The following LIN28B variants were observed in gnomAD, a reference collection of about 807,000 sequenced individuals.
The protein encoded by LIN28B is protein lin-28 homolog B.
In LIN28B, 5 loss-of-function variants were observed where a neutral mutation model predicts 21.9. The ratio of observed to expected loss-of-function variants is 0.23; its 90% CI spans 0.12 to 0.48. LIN28B has a LOEUF of 0.48. Among genes scored for constraint, LIN28B ranks in the 20% least tolerant of loss-of-function variants. The pLI is 0.98. For missense variants in LIN28B, 245 were observed against 310.5 expected, an observed-to-expected ratio of 0.79 and a Z score of 1.58; for synonymous variants, 109 against 111.3, an observed-to-expected ratio of 0.98 and a Z score of 0.13.
chr6:105,049,136 T>C (rs1199499461), intron 3 of LIN28B, among the ~76,000 whole-genome samples: 1 of 152,198 alleles, frequency 6.6e-6, no homozygotes, highest in Non-Finnish European at 1.5e-5. Context: ...TCCTGCTTTC[T>C]CTTGTGCTAT....
At chr6:104,997,489 A>G (rs9377684) in intron 2 of LIN28B, among the ~76,000 whole-genome samples, 27,759 of 151,848 alleles carry the variant, frequency 0.18, 2,641 homozygotes, top group East Asian at 0.26. Context: ...ATCTATATGT[A>G]TAGTTTCTCA....
intron 2 of LIN28B, among the ~76,000 whole-genome samples, chr6:104,943,014 A>G (rs1778114990): frequency 6.6e-6 from 1 of 151,868 alleles, no homozygotes; most frequent in African/African-American, 2.4e-5. Context: ...GAAACAATAA[A>G]AAGTTTGTTG....
intron 2 of LIN28B, among the ~76,000 whole-genome samples, chr6:104,976,569 C>T (rs2114598509): frequency 6.6e-6 from 1 of 152,306 alleles, no homozygotes; most frequent in Non-Finnish European, 1.5e-5. Flanking sequence ...ACAGTTCCCA[C>T]AGAGTGTAAA....
intron 3 of LIN28B, among the ~76,000 whole-genome samples, chr6:105,026,765 G>A (rs1322080536): frequency 1.3e-5 from 2 of 152,112 alleles, no homozygotes; most frequent in East Asian, 1.9e-4. Flanking sequence ...ATAGATAGAG[G>A]TGCCCCTTTT....
chr6:105,069,318 T>C (rs1772284177), intron 3 of LIN28B, among the ~76,000 whole-genome samples: 1 of 152,208 alleles, frequency 6.6e-6, no homozygotes, highest in Non-Finnish European at 1.5e-5. Flanking sequence ...CTGTTCAAAA[T>C]TATTTTAGAT....
At chr6:105,004,369 G>T (rs928877757) in intron 2 of LIN28B, among the ~76,000 whole-genome samples, 1 of 152,116 alleles carries the variant, frequency 6.6e-6, no homozygotes, top group Non-Finnish European at 1.5e-5. Flanking sequence ...AATTTTATGC[G>T]CCTTTCCTCT....
intron 3 of LIN28B, among the ~76,000 whole-genome samples, chr6:105,063,411 G>A (rs1044855152): frequency 3.3e-5 from 5 of 152,120 alleles, no homozygotes; most frequent in African/African-American, 4.8e-5. Context: ...CGAGAAGGGC[G>A]GATCACTTGA....
chr6:105,008,799 A>C (rs1392107108), intron 2 of LIN28B, among the ~76,000 whole-genome samples: 3 of 152,182 alleles, frequency 2.0e-5, no homozygotes. Flanking sequence ...TTTTACTTTG[A>C]GTTCAAAGAC....
chr6:104,952,507 A>C (rs1582859835), upstream of LIN28B, among the ~76,000 whole-genome samples: 1 of 152,228 alleles, frequency 6.6e-6, no homozygotes, highest in Non-Finnish European at 1.5e-5. Flanking sequence ...CCAGGTTTTT[A>C]AAAAGATACT....
intron 3 of LIN28B, among the ~76,000 whole-genome samples, chr6:105,075,627 G>A (rs113050211): frequency 2.3e-4 from 35 of 152,278 alleles, no homozygotes; most frequent in African/African-American, 8.2e-4. Flanking sequence ...CAAAATGTAA[G>A]GAAACCAAAA....
chr6:104,981,467 A>T (rs1334028470), intron 2 of LIN28B, among the ~76,000 whole-genome samples: 2 of 152,222 alleles, frequency 1.3e-5, no homozygotes, highest in Non-Finnish European at 2.9e-5. Context: ...GGCTGCTTAC[A>T]TCTGCTCTTC....
At chr6:104,939,680 A>T (rs1024689556) in intron 2 of LIN28B, 2 of 152,216 alleles carry the variant, frequency 1.3e-5, no homozygotes, top group East Asian at 3.8e-4. Flanking sequence ...CTTTCAAATG[A>T]AAGTGTTTTC....
At chr6:105,061,847 A>G (rs1490679578) in intron 3 of LIN28B, among the ~76,000 whole-genome samples, 3 of 152,122 alleles carry the variant, frequency 2.0e-5, no homozygotes, top group Non-Finnish European at 4.4e-5. Context: ...CAATGTGTAC[A>G]TAAACTTTGA....
At chr6:105,011,257 A>G (rs1056757098) in intron 2 of LIN28B, among the ~76,000 whole-genome samples, 8 of 152,104 alleles carry the variant, frequency 5.3e-5, no homozygotes, top group Non-Finnish European at 1.2e-4. Context: ...TGGCATGATC[A>G]TGGCTCACTG....
chr6:105,026,525 G>T, intron 3 of LIN28B, 43 bp downstream of exon 3: 1 of 1,308,542 alleles, frequency 7.6e-7, no homozygotes, highest in South Asian at 1.5e-5. Context: ...TATTGTGTTT[G>T]GAAAGGATTT....
chr6:104,978,431 G>T (rs1380432565), intron 2 of LIN28B, among the ~76,000 whole-genome samples: 2 of 152,084 alleles, frequency 1.3e-5, no homozygotes, highest in East Asian at 1.9e-4. Context: ...ATGCTTATCA[G>T]CTGCTTGAAT....
chr6:105,008,883 G>C (rs963257002), intron 2 of LIN28B, among the ~76,000 whole-genome samples: 1 of 152,136 alleles, frequency 6.6e-6, no homozygotes, highest in Admixed American at 6.6e-5. Flanking sequence ...TCTAAGGGTA[G>C]TTATTTTTTA....
chr6:105,071,066 G>A (rs573408576), intron 3 of LIN28B, among the ~76,000 whole-genome samples: 11 of 152,112 alleles, frequency 7.2e-5, no homozygotes, highest in East Asian at 3.9e-4. Flanking sequence ...TAGTAGAGAC[G>A]GAGTTTCACT....
intron 3 of LIN28B, among the ~76,000 whole-genome samples, chr6:105,036,319 A>C (rs1258510602): frequency 6.6e-6 from 1 of 152,226 alleles, no homozygotes; most frequent in Non-Finnish European, 1.5e-5. Context: ...CCAAATTTTC[A>C]GTCATCCATA....
Sources: allele counts gnomAD v4.1 joint callset (sites outside exome capture counted in the v4.1 genomes callset), GRCh38; gene constraint gnomAD v4.1.1; transcripts MANE v1.5; gene names NCBI Gene and HGNC (gene_info 2026-07-23, HGNC 2026-07-21).